ILDR2: variants seen among roughly 807,000 people sequenced by gnomAD.
The protein encoded by ILDR2 is immunoglobulin like domain containing receptor 2.
ILDR2 carries 25 observed loss-of-function variants against 66.8 expected under a neutral mutation model. The ratio of observed to expected loss-of-function variants is 0.37; its 90% confidence interval spans 0.27 to 0.52. ILDR2 has a LOEUF of 0.52. Among genes scored for constraint, ILDR2 ranks in the 20% least tolerant of loss-of-function variants. ILDR2 has a pLI of 0.88. For missense variants in ILDR2, 827 were observed against 876.8 expected (o/e 0.94, Z 0.72); for synonymous variants, 367 against 357.2 (o/e 1.03, Z -0.31).
rs145504806 is a variant in ILDR2, at chr1:166,941,396, C to T, written c.500-1826G>A. On this transcript the variant is annotated intron_variant, in intron 3 of 9. Transcript: ENST00000271417. Reference sequence around the variant, plus strand: ...GACTAAGAGATGCCCCTAAGGCTTACGCAGTTCCCTAGGGTAGGAAACTAG... The same window carrying T: ...GACTAAGAGATGCCCCTAAGGCTTATGCAGTTCCCTAGGGTAGGAAACTAG... 1.4e-4 allele frequency among the ~76,000 whole-genome samples: 22 copies of T among 152,304 alleles called. 1 individual carries two copies. Among genetic ancestry groups the T allele is most frequent in the African/African-American group, 5.1e-4 (21 of 41,554 alleles).
At position 166,912,329 on chromosome 1, in the gene ILDR2, TCCTACC is replaced by T. The variant is rs1415022947; in HGVS notation, c.*7020_*7025del. 1 of 152,144 alleles carries T rather than the reference TCCTACC, an allele frequency of 6.6e-6. No homozygotes were observed. Among genetic ancestry groups the T allele is most frequent in the East Asian group, 1.9e-4 (1 of 5,196 alleles). The allele number at this position is 152,144 out of a possible 1,614,324, so 9.4% of individuals were successfully genotyped here. On this transcript the variant is annotated 3_prime_UTR_variant, in exon 10 of 10. Coordinates refer to ENST00000271417, the MANE Select transcript of ILDR2 (RefSeq NM_199351.3). ...TTACATCAACAAAGACTGATGAGTA[TCCTACC>T]AACAAATCATTACTGAAGTAAACTT... is the stretch of plus-strand genomic sequence containing the variant.
At chr1:166,905,297 G>A (rs1055675756), downstream of ILDR2, among the ~76,000 whole-genome samples, 7 of 152,158 alleles carry the variant, frequency 4.6e-5, no homozygotes, top group African/African-American at 1.7e-4. Context: ...AGGTTCCACT[G>A]GATTCTTTCC....
intron 3 of ILDR2, among the ~76,000 whole-genome samples, chr1:166,940,882 A>T (rs1661276627): frequency 2.0e-5 from 3 of 152,186 alleles, no homozygotes; most frequent in Non-Finnish European, 4.4e-5. Flanking sequence ...TTCATATTTT[A>T]AATCTAAGGT....
chr1:166,956,882 T>C (rs750435062), intron 2 of ILDR2, 30 bp from the exon 3 acceptor site: 2 of 1,609,318 alleles, frequency 1.2e-6, no homozygotes, highest in Admixed American at 1.7e-5. Flanking sequence ...GACTCAGTCC[T>C]AAAACTCTGT....
chr1:166,897,473 A>C (rs1045932353), intron 2 of ILDR2, among the ~76,000 whole-genome samples: 8 of 152,176 alleles, frequency 5.3e-5, no homozygotes, highest in Admixed American at 3.9e-4. Context: ...AGATGATTTC[A>C]GGATGGGGGC....
intron 1 of ILDR2, among the ~76,000 whole-genome samples, chr1:166,965,271 G>T (rs986256859): frequency 6.6e-6 from 1 of 152,112 alleles, no homozygotes; most frequent in Non-Finnish European, 1.5e-5. Context: ...ATATGAAGAG[G>T]TATCTTGGGG....
At position 166,975,409 on chromosome 1, in the gene ILDR2, G is replaced by C; in HGVS notation, c.-141C>G. On this transcript the variant is annotated 5_prime_UTR_variant, in exon 1 of 10. Coordinates refer to ENST00000271417, the MANE Select transcript of ILDR2 (RefSeq NM_199351.3). Reference sequence around the variant, plus strand: ...CCCTGGGCGCAGCGCCCGCCGGGCCGGCCGCGCAGGCGGGGCCGGGGGCTG... The same window carrying C: ...CCCTGGGCGCAGCGCCCGCCGGGCCCGCCGCGCAGGCGGGGCCGGGGGCTG... The C allele has an allele frequency of 4.0e-6, 1 of 248,460 alleles. No individual in the cohort carries two copies. Among genetic ancestry groups the C allele is most frequent in the Non-Finnish European group, 6.3e-6 (1 of 157,868 alleles). The allele number at this position is 248,460 out of a possible 1,614,324, so 15.4% of individuals were successfully genotyped here. A position where few individuals can be genotyped will look rare whatever the true frequency, so the allele number is the denominator to read the frequency against.
At chr1:166,970,900 G>C (rs1223087420) in intron 1 of ILDR2, among the ~76,000 whole-genome samples, 1 of 152,198 alleles carries the variant, frequency 6.6e-6, no homozygotes, top group East Asian at 1.9e-4. Flanking sequence ...AGAGGAGGAA[G>C]AGAAATTGGA....
intron 6 of ILDR2, chr1:166,933,565 T>C (rs1660763785): frequency 1.0e-6 from 1 of 982,302 alleles, no homozygotes; most frequent in Non-Finnish European, 1.2e-6. Flanking sequence ...ACCAAAATGG[T>C]TGAACTGCAA....
chr1:166,907,302 A>G (rs978791487), downstream of ILDR2: 2 of 152,244 alleles, frequency 1.3e-5, no homozygotes, highest in Non-Finnish European at 2.9e-5. Flanking sequence ...ATGAAAATAT[A>G]CACAATAGCC....
chr1:166,967,014 A>C (rs957294546), intron 1 of ILDR2, among the ~76,000 whole-genome samples: 1 of 152,196 alleles, frequency 6.6e-6, no homozygotes, highest in Non-Finnish European at 1.5e-5. Context: ...GGAGACACTA[A>C]CCATCTCCTT....
chr1:166,968,567 A>G (rs367831286), intron 1 of ILDR2, among the ~76,000 whole-genome samples: 4 of 152,214 alleles, frequency 2.6e-5, no homozygotes, highest in Middle Eastern at 3.4e-3. Flanking sequence ...TTTATTCCCA[A>G]TGATTTGTTT....
chr1:166,919,487 T>A (rs1659773357), intron 9 of ILDR2, 97 bp from the exon 10 acceptor site: 1 of 1,104,472 alleles, frequency 9.1e-7, no homozygotes, highest in South Asian at 1.6e-5. Context: ...CACAACCCGT[T>A]CAGTGCCAGG....
At position 166,910,323 on chromosome 1, in the gene ILDR2, C is replaced by G. The variant is rs1659448352; in HGVS notation, c.*9032G>C. 1 of 152,100 alleles carries G rather than the reference C, an allele frequency of 6.6e-6. No individual in the cohort carries two copies. Among genetic ancestry groups the G allele is most frequent in the Non-Finnish European group, 1.5e-5 (1 of 68,010 alleles). The allele number at this position is 152,100 out of a possible 1,614,324, so 9.4% of individuals were successfully genotyped here. A position where few individuals can be genotyped will look rare whatever the true frequency, so the allele number is the denominator to read the frequency against. On this transcript the variant is annotated 3_prime_UTR_variant, in exon 10 of 10. Transcript: ENST00000271417. ...TATCCACAGAAGCCTGCCTCAAAAA[C>G]ATAATATGGCAAGTTCTAAACTTGC...
At chr1:166,960,300 T>C (rs1046403032) in intron 1 of ILDR2, among the ~76,000 whole-genome samples, 1 of 152,210 alleles carries the variant, frequency 6.6e-6, no homozygotes, top group Non-Finnish European at 1.5e-5. Context: ...TGAAGAAATG[T>C]ATGAGCAAGT....
chr1:166,923,345 C>T (rs977504201), intron 7 of ILDR2, among the ~76,000 whole-genome samples: 2 of 152,178 alleles, frequency 1.3e-5, no homozygotes, highest in Admixed American at 1.3e-4. Context: ...TTGGCTGTGC[C>T]CCTCCCCACA....
At chr1:166,949,726 G>A (rs888273212) in intron 3 of ILDR2, among the ~76,000 whole-genome samples, 1 of 152,226 alleles carries the variant, frequency 6.6e-6, no homozygotes, top group Non-Finnish European at 1.5e-5. Context: ...TCAGATTCTA[G>A]CTGACACTTG....
In ILDR2 at chr1:166,910,188, G is replaced by T. The variant is rs1238472682; in HGVS notation, c.*9167C>A. ...CCTGACCTGACTTCAGAAAACAATTGTAATTCCATGGTGTTAAAAGCACAC... is the reference window on the plus strand; with the variant it reads ...CCTGACCTGACTTCAGAAAACAATTTTAATTCCATGGTGTTAAAAGCACAC... On this transcript the variant is annotated 3_prime_UTR_variant, in exon 10 of 10. Coordinates refer to ENST00000271417, the MANE Select transcript of ILDR2 (RefSeq NM_199351.3). The T allele has an allele frequency of 6.6e-6, 1 of 152,006 alleles. No individual in the cohort carries two copies. The highest frequency in any genetic ancestry group is 2.4e-5 in the African/African-American group (1 of 41,398). The allele number at this position is 152,006 out of a possible 1,614,324, so 9.4% of individuals were successfully genotyped here.
chr1:166,920,911 C>CG lies in ILDR2; in HGVS notation c.1679dup (p.Arg561AlafsTer70). On this transcript the variant is annotated frameshift_variant, in exon 9 of 10. Transcript: ENST00000271417. LOFTEE classifies it high-confidence loss of function. ...ACCAAGCGTAGTAGGAGGCGCTGCG[C>CG]GGGCCGAGCTGCGCGCTCCGCTTGG... The CG allele has an allele frequency of 6.8e-7, 1 of 1,475,856 alleles. No individual in the cohort carries two copies. The highest frequency in any genetic ancestry group is 8.9e-7 in the Non-Finnish European group (1 of 1,119,558). The allele number at this position is 1,475,856 out of a possible 1,614,324, so 91.4% of individuals were successfully genotyped here. A position where few individuals can be genotyped will look rare whatever the true frequency, so the allele number is the denominator to read the frequency against.
Sources: allele counts gnomAD v4.1 joint callset (sites outside exome capture counted in the v4.1 genomes callset), GRCh38; gene constraint gnomAD v4.1.1; transcripts MANE v1.5; gene names NCBI Gene and HGNC (gene_info 2026-07-23, HGNC 2026-07-21).